Variants in LDLRAD3 observed in about 807,000 individuals in gnomAD.
The protein encoded by LDLRAD3 is low density lipoprotein receptor class A domain containing 3.
LDLRAD3 carries 20 observed loss-of-function variants against 29.4 expected under a neutral mutation model. The observed-to-expected ratio is 0.68, with a 90% CI of 0.48 to 0.99. The LOEUF is 0.99. LDLRAD3 is among the 50% of genes least tolerant of loss of function. The pLI, the probability that LDLRAD3 is intolerant of heterozygous loss-of-function variation, is 0.00. For synonymous variants in LDLRAD3, 157 were observed against 192.7 expected, an observed-to-expected ratio of 0.81 and a Z score of 1.53; for missense variants, 420 against 454.3, an observed-to-expected ratio of 0.92 and a Z score of 0.69.
chr11:35,977,617 G>A (rs1015186095), intron 1 of LDLRAD3, among the ~76,000 whole-genome samples: 2 of 152,200 alleles, frequency 1.3e-5, no homozygotes, highest in South Asian at 2.1e-4. Flanking sequence ...CCAATGAGAC[G>A]CCCGTCTTAG....
intron 4 of LDLRAD3, among the ~76,000 whole-genome samples, chr11:36,144,794 G>C (rs1490254970): frequency 2.4e-5 from 3 of 125,044 alleles, no homozygotes; most frequent in South Asian, 2.5e-4. Flanking sequence ...CGCCCCGTCC[G>C]GGAGGGAGGT....
intron 4 of LDLRAD3, among the ~76,000 whole-genome samples, chr11:36,137,746 A>T (rs1376699701): frequency 6.6e-6 from 1 of 152,198 alleles, no homozygotes; most frequent in African/African-American, 2.4e-5. Flanking sequence ...GAATAGATAA[A>T]TAGTAATTCC....
intron 4 of LDLRAD3, among the ~76,000 whole-genome samples, chr11:36,140,992 T>TTCTTTCTCTCTCTCTCTCTCTCTC (rs1279929124): frequency 5.5e-5 from 6 of 110,052 alleles, no homozygotes; most frequent in African/African-American, 1.6e-4. Context: ...CTGTTGAGCT[T>TTCTTTCTCTCTCTCTCTCTCTCTC]TCTCTCTCTC....
intron 3 of LDLRAD3, among the ~76,000 whole-genome samples, chr11:36,082,845 A>C (rs1209888236): frequency 6.6e-6 from 1 of 152,134 alleles, no homozygotes; most frequent in Non-Finnish European, 1.5e-5. Context: ...CGCCTTTAAT[A>C]CTGGCCCAGC....
intron 4 of LDLRAD3, among the ~76,000 whole-genome samples, chr11:36,128,866 A>AG (rs1491204065): frequency 5.4e-5 from 8 of 148,410 alleles, no homozygotes; most frequent in South Asian, 2.1e-4. Flanking sequence ...AAAAAAAAAA[A>AG]GAGAGAAAAG....
chr11:36,074,820 CA>C (rs1375069235), intron 2 of LDLRAD3, among the ~76,000 whole-genome samples: 4 of 152,284 alleles, frequency 2.6e-5, no homozygotes, highest in African/African-American at 7.2e-5. Context: ...GGCAGAGGGG[CA>C]AACCTGACCC....
chr11:36,111,577 T>C (rs1853605819), intron 4 of LDLRAD3, among the ~76,000 whole-genome samples: 1 of 151,972 alleles, frequency 6.6e-6, no homozygotes, highest in African/African-American at 2.4e-5. Context: ...ACCCACCATG[T>C]TATCAGTCTG....
At chr11:35,968,411 C>T in intron 1 of LDLRAD3, 2 of 360,958 alleles carry the variant, frequency 5.5e-6, no homozygotes, top group African/African-American at 4.3e-5. Flanking sequence ...GTTCCTGTTG[C>T]CTGGTTGGCC....
chr11:35,953,256 A>C (rs1851160211), intron 1 of LDLRAD3, among the ~76,000 whole-genome samples: 1 of 152,168 alleles, frequency 6.6e-6, no homozygotes, highest in Non-Finnish European at 1.5e-5. Context: ...GCGAGCGGCC[A>C]CGGGGAGGGA....
intron 1 of LDLRAD3, among the ~76,000 whole-genome samples, chr11:35,986,391 T>C (rs1489872119): frequency 6.6e-6 from 1 of 152,236 alleles, no homozygotes; most frequent in East Asian, 1.9e-4. Context: ...ATGTTCAGGC[T>C]CCAAGAATTA....
chr11:36,231,669 TTTTA>T lies in LDLRAD3; in HGVS notation c.*2275_*2278del, dbSNP rs1384622443. ...GCTTTTTTAAAACAAACAGGGACAT[TTTTA>T]TTATAGATTTGATTTTTTTAATGAA... On this transcript the variant is annotated 3_prime_UTR_variant, in exon 6 of 6. Coordinates refer to ENST00000315571, the MANE Select transcript of LDLRAD3 (RefSeq NM_174902.4). The T allele has an allele frequency of 6.6e-6, 1 of 152,084 alleles. No homozygotes were observed. Among genetic ancestry groups the T allele is most frequent in the Non-Finnish European group, 1.5e-5 (1 of 68,008 alleles). 9.4% of individuals were successfully genotyped at this position (152,084 alleles called of 1,614,324 possible).
At chr11:36,016,817 T>C (rs1852028650) in intron 1 of LDLRAD3, among the ~76,000 whole-genome samples, 1 of 152,238 alleles carries the variant, frequency 6.6e-6, no homozygotes, top group South Asian at 2.1e-4. Context: ...CTCTTTCCCT[T>C]CTGACTCTAT....
rs1851900987 is a variant in LDLRAD3, at chr11:36,007,586, G to A, written c.47-28517G>A. Among the ~76,000 whole-genome samples the A allele has an allele frequency of 2.0e-5, 3 of 152,146 alleles. No individual in the cohort carries two copies. In the South Asian group the frequency reaches 6.2e-4, roughly 32 times the overall value. ...TGTGGAAGGACCGGCGGCTTGGGAA[G>A]GCATTTCTTCAGCAGTCCTCCTCAG... On this transcript the variant is annotated intron_variant, in intron 1 of 5. Transcript: ENST00000315571.
chr11:36,184,327 T>C (rs1381403667), intron 4 of LDLRAD3, among the ~76,000 whole-genome samples: 1 of 152,226 alleles, frequency 6.6e-6, no homozygotes, highest in Non-Finnish European at 1.5e-5. Context: ...TTTGCTTTTA[T>C]TTCTTAATAA....
intron 4 of LDLRAD3, among the ~76,000 whole-genome samples, chr11:36,146,866 T>G (rs988207917): frequency 1.3e-5 from 2 of 150,546 alleles, no homozygotes; most frequent in African/African-American, 2.5e-5. Flanking sequence ...TTTGGCTCAC[T>G]GCAACCTCCG....
chr11:36,159,625 A>AAAAAT (rs756902228), intron 4 of LDLRAD3, among the ~76,000 whole-genome samples: 5 of 132,940 alleles, frequency 3.8e-5, no homozygotes, highest in Non-Finnish European at 6.4e-5. Flanking sequence ...AAAAAAAAAA[A>AAAAAT]AGCCAGATGT....
At chr11:36,124,537 A>T (rs1043969424) in intron 4 of LDLRAD3, among the ~76,000 whole-genome samples, 1 of 152,138 alleles carries the variant, frequency 6.6e-6, no homozygotes, top group Non-Finnish European at 1.5e-5. Context: ...GGGCTCTGCA[A>T]GGTGGGTATT....
intron 1 of LDLRAD3, among the ~76,000 whole-genome samples, chr11:35,946,547 A>G (rs577518684): frequency 1.4e-4 from 21 of 152,186 alleles, no homozygotes; most frequent in Non-Finnish European, 2.8e-4. Context: ...TGCGAGAGAG[A>G]CTAAGCCCAA....
At chr11:36,105,083 C>G (rs1853507218) in intron 4 of LDLRAD3, among the ~76,000 whole-genome samples, 1 of 152,138 alleles carries the variant, frequency 6.6e-6, no homozygotes, top group Non-Finnish European at 1.5e-5. Flanking sequence ...TTGGCAGTTT[C>G]TTTATCTTGC....
Sources: allele counts gnomAD v4.1 joint callset (sites outside exome capture counted in the v4.1 genomes callset), GRCh38; gene constraint gnomAD v4.1.1; transcripts MANE v1.5; gene names NCBI Gene and HGNC (gene_info 2026-07-23, HGNC 2026-07-21).